The following PPP4R2 variants were observed in gnomAD, a reference collection of about 807,000 sequenced individuals.
The protein encoded by PPP4R2 is serine/threonine-protein phosphatase 4 regulatory subunit 2.
Under a neutral mutation model 47.2 loss-of-function variants are expected in PPP4R2, and 13 were observed. That is an observed-to-expected ratio of 0.28 (90% CI 0.18 to 0.44). The LOEUF (loss-of-function observed/expected upper bound fraction) is 0.44. Ranked by LOEUF, PPP4R2 falls within the 20% of genes least tolerant of loss-of-function variation. PPP4R2 has a pLI of 1.00. For missense variants in PPP4R2, 421 were observed against 491.2 expected, an observed-to-expected ratio of 0.86 and a Z score of 1.35; for synonymous variants, 151 against 163.3, an observed-to-expected ratio of 0.92 and a Z score of 0.57.
chr3:73,014,410 C>T (rs1701783142), intron 2 of PPP4R2, among the ~76,000 whole-genome samples: 1 of 151,956 alleles, frequency 6.6e-6, no homozygotes, highest in Admixed American at 6.6e-5. Context: ...CTGAGCTTCC[C>T]CAGTAGCTAG....
intron 2 of PPP4R2, among the ~76,000 whole-genome samples, chr3:73,015,169 T>C (rs968997895): frequency 6.6e-6 from 1 of 152,188 alleles, no homozygotes; most frequent in African/African-American, 2.4e-5. Context: ...ACCCACAAGA[T>C]CTAAGATTGC....
rs767906421 is a variant in PPP4R2 at position 73,047,312 on chromosome 3, T to A, written c.243T>A (p.Asp81Glu). ...PNPNVEYIPF[D>E]EMKERILKIV... is the part of the protein sequence containing the mutation. ...CTAATGTCGAATATATTCCCTTTGATGAAATGAAGGAAAGAATACTGAAAA... is the reference window on the plus strand; with the variant it reads ...CTAATGTCGAATATATTCCCTTTGAAGAAATGAAGGAAAGAATACTGAAAA... Residue 81 changes from aspartate (D) to glutamate (E), a missense_variant, in exon 3 of 9, where the codon GAT becomes GAA. Around this residue, in one of 2 missense-constraint regions of PPP4R2, gnomAD observed 104 missense variants for 203.7 expected, o/e 0.51. Transcript: ENST00000356692. 6.2e-7 allele frequency: 1 copy of A among 1,612,352 alleles called. No homozygotes were observed.
At chr3:73,029,193 G>T (rs576988022) in intron 2 of PPP4R2, among the ~76,000 whole-genome samples, 1 of 152,116 alleles carries the variant, frequency 6.6e-6, no homozygotes, top group Non-Finnish European at 1.5e-5. Context: ...CTCCCACCTT[G>T]TCCTCCCAAA....
rs1703049667 is a variant in PPP4R2, at chr3:73,068,672, A to G, written c.*2950A>G. ...TTGTTAAAGCATTGAGATTCAGAGT[A>G]TTTTGTTTTGCCGGTGTAGATAGGC... On this transcript the variant is annotated 3_prime_UTR_variant, in exon 9 of 9. Coordinates refer to ENST00000356692, the MANE Select transcript of PPP4R2 (RefSeq NM_174907.4). The G allele has an allele frequency of 6.6e-6, 1 of 152,168 alleles. No individual in the cohort carries two copies. The allele number at this position is 152,168 out of a possible 1,614,324, so 9.4% of individuals were successfully genotyped here.
chr3:73,062,282 G>C, intron 5 of PPP4R2: 1 of 1,608,052 alleles, frequency 6.2e-7, no homozygotes, highest in Non-Finnish European at 8.5e-7. Context: ...CAATGGACAG[G>C]AGTGGGCTCC....
At chr3:73,034,190 C>A (rs1275700331) in intron 2 of PPP4R2, among the ~76,000 whole-genome samples, 1 of 152,098 alleles carries the variant, frequency 6.6e-6, no homozygotes, top group African/African-American at 2.4e-5. Context: ...ACCTCTTGTA[C>A]TACTATTACA....
At chr3:73,051,763 C>A (rs1394813539) in intron 3 of PPP4R2, among the ~76,000 whole-genome samples, 2 of 152,052 alleles carry the variant, frequency 1.3e-5, no homozygotes, top group East Asian at 3.9e-4. Flanking sequence ...GTAGCTGGGA[C>A]TACAGGCACC....
intron 3 of PPP4R2, among the ~76,000 whole-genome samples, chr3:73,049,430 C>T (rs895932100): frequency 2.0e-5 from 3 of 151,928 alleles, no homozygotes; most frequent in African/African-American, 7.3e-5. Context: ...ACCCAGGAGG[C>T]AGAGCCTGCA....
intron 2 of PPP4R2, among the ~76,000 whole-genome samples, chr3:73,010,015 C>T (rs1418430166): frequency 6.6e-6 from 1 of 152,100 alleles, no homozygotes; most frequent in Non-Finnish European, 1.5e-5. Flanking sequence ...CTATCGGATA[C>T]CTTGGGTAAC....
chr3:73,043,067 C>T (rs1030186921), intron 2 of PPP4R2, among the ~76,000 whole-genome samples: 3 of 151,530 alleles, frequency 2.0e-5, no homozygotes, highest in African/African-American at 7.3e-5. Flanking sequence ...CCACAAGACT[C>T]TGTGCATATG....
intron 3 of PPP4R2, among the ~76,000 whole-genome samples, chr3:73,049,281 T>G (rs1381923999): frequency 6.6e-6 from 1 of 151,888 alleles, no homozygotes; most frequent in Non-Finnish European, 1.5e-5. Flanking sequence ...GGCAGATCAC[T>G]AGGTCAGGAG....
intron 2 of PPP4R2, among the ~76,000 whole-genome samples, chr3:73,031,821 C>G (rs1702170145): frequency 6.6e-6 from 1 of 152,176 alleles, no homozygotes; most frequent in African/African-American, 2.4e-5. Context: ...CTGCATATAT[C>G]TACTGTATTA....
intron 2 of PPP4R2, among the ~76,000 whole-genome samples, chr3:73,032,666 A>G (rs1357273975): frequency 6.6e-6 from 1 of 151,992 alleles, no homozygotes; most frequent in East Asian, 1.9e-4. Flanking sequence ...TTTTTCCCTT[A>G]ATGTCTGATT....
At chr3:72,997,105 A>T (rs2107185379) in intron 1 of PPP4R2, 34 bp downstream of exon 1, 2 of 1,331,826 alleles carry the variant, frequency 1.5e-6, no homozygotes, top group East Asian at 6.2e-5. Context: ...ATTCCCCCTC[A>T]CCTTCTCCGG....
At chr3:73,036,824 A>C (rs1702270746) in intron 2 of PPP4R2, among the ~76,000 whole-genome samples, 1 of 152,164 alleles carries the variant, frequency 6.6e-6, no homozygotes, top group African/African-American at 2.4e-5. Flanking sequence ...CTGTATATAA[A>C]ATTACACAAA....
chr3:73,049,448 A>G (rs1266355673), intron 3 of PPP4R2, among the ~76,000 whole-genome samples: 1 of 152,040 alleles, frequency 6.6e-6, no homozygotes, highest in Non-Finnish European at 1.5e-5. Flanking sequence ...GCAGTGAGCC[A>G]AGATCTCGCT....
intron 2 of PPP4R2, among the ~76,000 whole-genome samples, chr3:73,005,700 T>C (rs1037445864): frequency 6.6e-6 from 1 of 151,850 alleles, no homozygotes; most frequent in African/African-American, 2.4e-5. Flanking sequence ...AATACAAAAT[T>C]TGCTGGGTGC....
chr3:73,043,218 A>AAATTTAAATTTAAAT (rs1702414314), intron 2 of PPP4R2, among the ~76,000 whole-genome samples: 1 of 152,244 alleles, frequency 6.6e-6, no homozygotes, highest in Non-Finnish European at 1.5e-5. Context: ...GGAGAGTCTC[A>AAATTTAAATTTAAAT]TAAAATTTAA....
At chr3:73,029,622 G>A (rs1374147711) in intron 2 of PPP4R2, among the ~76,000 whole-genome samples, 1 of 152,108 alleles carries the variant, frequency 6.6e-6, no homozygotes, top group Admixed American at 6.5e-5. Flanking sequence ...GTTCAGTTTT[G>A]GACATGCCAA....
Sources: gnomAD v4.1 joint callset for allele counts (sites outside exome capture counted in the v4.1 genomes callset) on GRCh38, gnomAD v4.1.1 for gene constraint, gnomAD v4.1.1 regional missense constraint, MANE v1.5 for transcripts, NCBI Gene and HGNC (gene_info 2026-07-23, HGNC 2026-07-21) for gene names.